The following LAMA5 variants were observed in gnomAD, a reference collection of about 807,000 sequenced individuals.
LAMA5 encodes the protein laminin subunit alpha-5.
LAMA5 carries 260 observed loss-of-function variants against 433.4 expected under a neutral mutation model. The observed-to-expected ratio is 0.60, with a 90% CI of 0.54 to 0.66. The LOEUF is 0.66. Among genes scored for constraint, LAMA5 ranks in the 30% least tolerant of loss-of-function variants. The pLI, the probability that LAMA5 is intolerant of heterozygous loss-of-function variation, is 0.00. For missense variants in LAMA5, 5,378 were observed against 5,258.5 expected, an observed-to-expected ratio of 1.02 and a Z score of -0.70; for synonymous variants, 2,620 against 2,226.6, an observed-to-expected ratio of 1.18 and a Z score of -4.97.
intron 1 of LAMA5, among the ~76,000 whole-genome samples, chr20:62,363,010 T>C (rs1772311414): frequency 6.6e-6 from 1 of 151,890 alleles, no homozygotes; most frequent in Non-Finnish European, 1.5e-5. Flanking sequence ...AGGCAAAGCA[T>C]GGCTACCCCT....
intron 45 of LAMA5, 47 bp from the exon 46 acceptor site, chr20:62,322,805 C>G (rs770316598): frequency 3.1e-6 from 4 of 1,279,552 alleles, no homozygotes; most frequent in East Asian, 5.5e-5. Flanking sequence ...CTCACCCCCC[C>G]AGGGAGCCCC....
At chr20:62,358,601 C>A (rs116091460) in intron 2 of LAMA5, among the ~76,000 whole-genome samples, 1 of 152,162 alleles carries the variant, frequency 6.6e-6, no homozygotes, top group Non-Finnish European at 1.5e-5. Context: ...GCAGCCTGGG[C>A]GCGCTGGGCC....
Position 62,320,797 on chromosome 20 carries a change from G to C in LAMA5, c.6590C>G (p.Ala2197Gly), listed in dbSNP as rs1987616318. 6.2e-7 allele frequency: 1 copy of C among 1,612,660 alleles called. No individual in the cohort carries two copies. Among genetic ancestry groups the C allele is most frequent in the Non-Finnish European group, 8.5e-7 (1 of 1,179,910 alleles). Residue 2197 changes from alanine (A) to glycine (G), a missense_variant, in exon 49 of 80, where the codon GCC (alanine) becomes GGC (glycine). Physicochemically the swap from Ala to Gly is moderately conservative, Grantham distance 60 (BLOSUM62 0). Coordinates refer to ENST00000252999, the MANE Select transcript of LAMA5 (RefSeq NM_005560.6). ...AIHEQLRGIN[A>G]SSMAWARLHR... ...CAGACGGGCCCAGGCCATGGAGCTG[G>C]CATTGATGCCACGCAGTTGCTCGTG...
chr20:62,316,910 G>A lies in LAMA5; in HGVS notation c.7625C>T (p.Ala2542Val). The A allele has an allele frequency of 2.6e-6, 4 of 1,542,742 alleles. No homozygotes were observed. Among genetic ancestry groups the A allele is most frequent in the South Asian group, 2.4e-5 (2 of 84,000 alleles). ...CCACGTGTGGTCCGCCTGCTGCAGG[G>A]CCTGGCCAGCAGCATCCTCGGCAGC... ...VQAAEDAAGQ[A>V]LQQADHTWAT... is the part of the protein sequence containing the mutation. Residue 2542 changes from alanine to valine, a missense_variant, in exon 56 of 80, where the codon GCC (alanine) becomes GTC (valine). Physicochemically the swap from Ala to Val is moderately conservative, Grantham distance 64. Transcript: ENST00000252999.
chr20:62,316,658 G>A lies in LAMA5; in HGVS notation c.7756+13C>T. The stretch of plus-strand genomic sequence containing the variant: ...AGCAGGCCTAAGGGCCCCCATCGGA[G>A]CCCAGCACTCACCAAGGCCCAGCCT... On this transcript the variant is annotated intron_variant, in intron 57 of 79. Coordinates refer to ENST00000252999, the MANE Select transcript of LAMA5 (RefSeq NM_005560.6). The A allele has an allele frequency of 6.4e-7, 1 of 1,560,632 alleles. No homozygotes were observed. Among genetic ancestry groups the A allele is most frequent in the East Asian group, 2.3e-5 (1 of 43,606 alleles).
In LAMA5 at chr20:62,336,338, A is replaced by C; in HGVS notation, c.2323+2T>G. The C allele has an allele frequency of 1.9e-6, 3 of 1,601,504 alleles. No individual in the cohort carries two copies. Among genetic ancestry groups the C allele is most frequent in the Non-Finnish European group, 2.6e-6 (3 of 1,172,398 alleles). ...TACCCCAATACTCCAGGGCACACTC[A>C]CGGGTACAGCCCTCGGGGTTGCTGG... On this transcript the variant is annotated splice_donor_variant, in intron 18 of 79. Transcript: ENST00000252999. LOFTEE classifies it high-confidence loss of function.
Position 62,316,001 on chromosome 20 carries a change from T to C in LAMA5, c.7814A>G (p.Asp2605Gly). Reference sequence around the variant, plus strand: ...CGCCTGGATGTGCGCCTCCAGCTGGTCCTTCTTGGCCCGGACATCTCGGAG... The same window carrying C: ...CGCCTGGATGTGCGCCTCCAGCTGGCCCTTCTTGGCCCGGACATCTCGGAG... ...TQLRDVRAKK[D>G]QLEAHIQAAQ... The change falls in exon 58 of 80, where the codon GAC becomes GGC. Residue 2605 changes from aspartate (D) to glycine (G), a missense_variant. Asp to Gly is a moderately conservative substitution (Grantham distance 94). Coordinates refer to ENST00000252999, the MANE Select transcript of LAMA5 (RefSeq NM_005560.6). 1 of 1,609,658 alleles carries C rather than the reference T, an allele frequency of 6.2e-7. No homozygotes were observed. The highest frequency in any genetic ancestry group is 8.5e-7 in the Non-Finnish European group (1 of 1,179,552).
chr20:62,345,874 G>A lies in LAMA5; in HGVS notation c.1421C>T (p.Thr474Met), dbSNP rs112470442. 418 of 1,553,672 alleles carry A rather than the reference G, an allele frequency of 2.7e-4. 1 individual carries two copies. In the African/African-American group the frequency reaches 4.3e-3, roughly 16 times the overall value. Residue 474 changes from threonine (T) to methionine (M), a missense_variant, in exon 11 of 80, where the codon ACG (threonine) becomes ATG (methionine). Transcript: ENST00000252999. ...GFTGFPSCYP[T>M]PSSSNDTREQ... ...CCTGGTGTCATTGGAGGACGAGGGC[G>A]TCGCTGAGGGGAAGAGACACGCATG...
rs773898782 is a variant in LAMA5 at position 62,346,686 on chromosome 20, C to A, written c.1187G>T (p.Cys396Phe). 6.2e-7 allele frequency: 1 copy of A among 1,612,974 alleles called. No individual in the cohort carries two copies. Among genetic ancestry groups the A allele is most frequent in the Non-Finnish European group, 8.5e-7 (1 of 1,179,596 alleles). ...TYQGGGVCID[C>F]QHHTTGVNCE... is the part of the protein sequence containing the mutation. ...CAGCCCTCTAGCCCAGCCCACCTGG[C>A]AGTCGATACAGACACCCCCACCCTG... Residue 396 changes from cysteine to phenylalanine, a missense_variant, in exon 8 of 80, where the codon TGC becomes TTC. By Grantham distance (205) the Cys-to-Phe change is radical. Transcript: ENST00000252999.
In LAMA5 at chr20:62,310,214, C is replaced by T. The variant is rs557901425; in HGVS notation, c.10698G>A (p.Thr3566=). ...TCACCTGCAACTGCAAGTAGGGGGG[C>T]GTCCGGGCCTGGCCCAAGTGGAAGA... The part of the protein sequence containing the change: ...GLIFHLGQAR[T]PPYLQLQVTE... The change falls in exon 77 of 80, where the codon ACG becomes ACA. Residue 3566 remains threonine (T), a synonymous_variant. Transcript: ENST00000252999. The T allele has an allele frequency of 9.9e-6, 16 of 1,612,424 alleles. No homozygotes were observed. Among genetic ancestry groups the T allele is most frequent in the East Asian group, 2.2e-5 (1 of 44,886 alleles).
At chr20:62,332,831 C>G in intron 26 of LAMA5, 114 bp from the exon 27 acceptor site, 2 of 1,346,516 alleles carry the variant, frequency 1.5e-6, no homozygotes, top group Non-Finnish European at 2.0e-6. Flanking sequence ...CCGAGTCCCA[C>G]CCTGGCCCGG....
At position 62,332,468 on chromosome 20, in the gene LAMA5, C is replaced by A; in HGVS notation, c.3456G>T (p.Arg1152=). 6.2e-7 allele frequency: 1 copy of A among 1,612,490 alleles called. No individual in the cohort carries two copies. Among genetic ancestry groups the A allele is most frequent in the South Asian group, 1.1e-5 (1 of 91,052 alleles). Reference sequence around the variant, plus strand: ...GGTCCTGGGTATCCCGGGCAGTGCCCCGGCACAGGGTGCTGTGGGGGGAGG... The same window carrying A: ...GGTCCTGGGTATCCCGGGCAGTGCCACGGCACAGGGTGCTGTGGGGGGAGG... ...LHPCLYSTLC[R]GTARDTQDHL... is the part of the protein sequence containing the mutation. Residue 1152 remains arginine (R), a synonymous_variant, in exon 28 of 80, where the codon CGG becomes CGT. Coordinates refer to ENST00000252999, the MANE Select transcript of LAMA5 (RefSeq NM_005560.6).
intron 45 of LAMA5, 34 bp from the exon 46 acceptor site, chr20:62,322,792 C>A: frequency 7.5e-7 from 1 of 1,340,382 alleles, no homozygotes; most frequent in Admixed American, 2.8e-5. Flanking sequence ...AGCCCTGGGC[C>A]CTCTCACCCC....
intron 2 of LAMA5, among the ~76,000 whole-genome samples, chr20:62,354,987 A>G (rs1297800830): frequency 1.3e-5 from 2 of 152,122 alleles, no homozygotes; most frequent in African/African-American, 4.8e-5. Flanking sequence ...CAACTCATGG[A>G]CCCACAGCAC....
intron 2 of LAMA5, among the ~76,000 whole-genome samples, chr20:62,355,690 G>A (rs1197653003): frequency 6.6e-6 from 1 of 152,142 alleles, no homozygotes; most frequent in Non-Finnish European, 1.5e-5. Context: ...CCAGCAGGGA[G>A]GGGTATGAGC....
chr20:62,337,263 A>C (rs1568950821), intron 16 of LAMA5, among the ~76,000 whole-genome samples: 1 of 152,142 alleles, frequency 6.6e-6, no homozygotes, highest in Non-Finnish European at 1.5e-5. Context: ...GTGACACACA[A>C]ACCCACTTAC....
chr20:62,312,045 C>A lies in LAMA5; in HGVS notation c.9510G>T (p.Gly3170=). The change falls in exon 70 of 80, where the codon GGG becomes GGT. Residue 3170 remains glycine, a synonymous_variant. Transcript: ENST00000252999. ...ALLYYRASPD[G]LCQVSLQQGR... ...CCTGCTGCAGGGACACCTGGCATAG[C>A]CCATCCTGGGGACGGCAGCCAGGTC... 1 of 1,611,838 alleles carries A rather than the reference C, an allele frequency of 6.2e-7. No homozygotes were observed. The highest frequency in any genetic ancestry group is 8.5e-7 in the Non-Finnish European group (1 of 1,179,336).
intron 79 of LAMA5, 113 bp downstream of exon 79, chr20:62,309,603 T>TGGGAGGGGGGTGGGAGGGGGCAGG (rs1985904212): frequency 3.2e-5 from 9 of 284,350 alleles, no homozygotes; most frequent in African/African-American, 1.9e-4. Context: ...GGTAGGGGGG[T>TGGGAGGGGGGTGGGAGGGGGCAGG]GGGAGGAGGG....
At position 62,353,328 on chromosome 20, in the gene LAMA5, C is replaced by T. The variant is rs924663722; in HGVS notation, c.451-77G>A. ...TCCCAGGGGCCTGGCTCATTTTCTG[C>T]CCCTCAGGTGAGGCCACAGCAGGGG... On this transcript the variant is annotated intron_variant, in intron 2 of 79. Transcript: ENST00000252999. 4.9e-5 allele frequency: 53 copies of T among 1,075,762 alleles called. No individual in the cohort carries two copies. The African/African-American group carries it at 6.5e-4, about 13-fold the overall frequency. 66.6% of individuals were successfully genotyped at this position (1,075,762 alleles called of 1,614,324 possible). A position where few individuals can be genotyped will look rare whatever the true frequency, so the allele number is the denominator to read the frequency against.
Sources: allele counts gnomAD v4.1 joint callset (sites outside exome capture counted in the v4.1 genomes callset), GRCh38; gene constraint gnomAD v4.1.1; transcripts MANE v1.5; gene names NCBI Gene and HGNC (gene_info 2026-07-23, HGNC 2026-07-21).